IL20RB: variants seen among roughly 807,000 people sequenced by gnomAD.
IL20RB encodes the protein interleukin-20 receptor subunit beta.
Under a neutral mutation model 33.3 loss-of-function variants are expected in IL20RB, and 21 were observed. That is an observed-to-expected ratio of 0.63 (90% CI 0.45 to 0.91). The LOEUF (loss-of-function observed/expected upper bound fraction) is 0.91, where lower values mean the gene tolerates loss of function less well. Among genes scored for constraint, IL20RB ranks in the 40% least tolerant of loss-of-function variants. IL20RB has a pLI of 0.00. For missense variants in IL20RB, 345 were observed against 384.8 expected, an observed-to-expected ratio of 0.90 and a Z score of 0.86; for synonymous variants, 147 against 146.8, an observed-to-expected ratio of 1.00 and a Z score of -0.01.
intron 1 of IL20RB, among the ~76,000 whole-genome samples, chr3:136,970,518 G>T (rs867231079): frequency 1.3e-5 from 2 of 152,150 alleles, no homozygotes; most frequent in Non-Finnish European, 2.9e-5. Flanking sequence ...CTATTCCTTT[G>T]CCAATACAAT....
At chr3:137,003,764 C>T (rs992307048) in intron 6 of IL20RB, among the ~76,000 whole-genome samples, 5 of 152,198 alleles carry the variant, frequency 3.3e-5, no homozygotes, top group Non-Finnish European at 7.3e-5. Flanking sequence ...TTATTTCCTT[C>T]TCTTGCCTGC....
At chr3:136,989,308 C>A in intron 3 of IL20RB, 133 bp from the exon 4 acceptor site, 1 of 990,944 alleles carries the variant, frequency 1.0e-6, no homozygotes, top group Non-Finnish European at 1.5e-6. Context: ...TTTCCATGAG[C>A]TTGAAGCTAC....
intron 3 of IL20RB, among the ~76,000 whole-genome samples, chr3:136,985,434 T>A (rs1941877794): frequency 6.6e-6 from 1 of 151,378 alleles, no homozygotes; most frequent in Admixed American, 6.6e-5. Flanking sequence ...ACCTCCTGGG[T>A]TCTAGCGTTT....
At chr3:136,976,670 G>T (rs576655684) in intron 1 of IL20RB, among the ~76,000 whole-genome samples, 2 of 152,200 alleles carry the variant, frequency 1.3e-5, no homozygotes, top group African/African-American at 4.8e-5. Flanking sequence ...CTCATTCCCA[G>T]TTTGTGCCCC....
At chr3:137,001,684 G>A (rs1372861106) in intron 6 of IL20RB, among the ~76,000 whole-genome samples, 3 of 152,192 alleles carry the variant, frequency 2.0e-5, no homozygotes, top group Admixed American at 6.5e-5. Flanking sequence ...TCATGTCTAC[G>A]TCTAAAATTT....
intron 1 of IL20RB, among the ~76,000 whole-genome samples, chr3:136,960,807 A>G (rs541455381): frequency 5.9e-5 from 9 of 152,246 alleles, no homozygotes; most frequent in Non-Finnish European, 1.2e-4. Flanking sequence ...CATTAAAACA[A>G]GGTAGAAGAA....
At chr3:136,989,586 T>G (rs1480679250) in intron 4 of IL20RB, 21 bp downstream of exon 4, 3 of 1,612,752 alleles carry the variant, frequency 1.9e-6, no homozygotes, top group Non-Finnish European at 2.5e-6. Flanking sequence ...AGCCTTGGCC[T>G]TTGGGTCAGG....
chr3:137,010,096 T>C lies in IL20RB; in HGVS notation c.826-17T>C, dbSNP rs1462316212. The C allele has an allele frequency of 1.7e-6, 2 of 1,205,576 alleles. No individual in the cohort carries two copies. Among genetic ancestry groups the C allele is most frequent in the East Asian group, 4.6e-5 (2 of 43,076 alleles). The allele number at this position is 1,205,576 out of a possible 1,614,324, so 74.7% of individuals were successfully genotyped here. A position where few individuals can be genotyped will look rare whatever the true frequency, so the allele number is the denominator to read the frequency against. On this transcript the variant is annotated splice_polypyrimidine_tract_variant and intron_variant, in intron 6 of 6. Transcript: ENST00000329582. ...ACTGCTATCCTCTAATGAATATTAATGAAAATTATTTTTCAGAAAATAACC... is the reference window on the plus strand; with the variant it reads ...ACTGCTATCCTCTAATGAATATTAACGAAAATTATTTTTCAGAAAATAACC...
chr3:136,973,752 G>T (rs978447667), intron 1 of IL20RB, among the ~76,000 whole-genome samples: 1 of 152,046 alleles, frequency 6.6e-6, no homozygotes, highest in African/African-American at 2.4e-5. Flanking sequence ...CCAGTATGGG[G>T]TGCATATATA....
intron 1 of IL20RB, chr3:136,969,453 C>G (rs1425106441): frequency 8.0e-6 from 1 of 124,674 alleles, no homozygotes; most frequent in Admixed American, 8.5e-5. Flanking sequence ...GGGAGTGACC[C>G]GATTTTCCAG....
At chr3:136,991,435 C>T (rs1942028501) in intron 4 of IL20RB, among the ~76,000 whole-genome samples, 1 of 152,132 alleles carries the variant, frequency 6.6e-6, no homozygotes, top group African/African-American at 2.4e-5. Flanking sequence ...TAGAGCAGTG[C>T]CTAGCACATA....
Sources: allele counts gnomAD v4.1 joint callset (sites outside exome capture counted in the v4.1 genomes callset), GRCh38; gene constraint gnomAD v4.1.1; transcripts MANE v1.5; gene names NCBI Gene and HGNC (gene_info 2026-07-23, HGNC 2026-07-21).